XPO6: variants seen among roughly 807,000 people sequenced by gnomAD.
XPO6 encodes exportin 6, also known as exportin-6.
A neutral mutation model predicts 130.0 loss-of-function variants in XPO6; 3 were observed. That is an observed-to-expected ratio of 0.02 (90% CI 0.01 to 0.06). The LOEUF is 0.06. Ranked by LOEUF, XPO6 falls within the 10% of genes least tolerant of loss-of-function variation. The pLI is 1.00. For missense variants in XPO6, 970 were observed against 1,393.0 expected (o/e 0.70, Z 4.83); for synonymous variants, 524 against 548.9 (o/e 0.95, Z 0.63).
At chr16:28,143,823 G>T (rs977106267) in intron 9 of XPO6, among the ~76,000 whole-genome samples, 1 of 152,130 alleles carries the variant, frequency 6.6e-6, no homozygotes, top group Non-Finnish European at 1.5e-5. Flanking sequence ...TTTTAGTAGA[G>T]ACAGGGTTTC....
chr16:28,170,091 G>A (rs1387746815), intron 4 of XPO6, among the ~76,000 whole-genome samples, 182 bp from the exon 5 acceptor site: 2 of 152,096 alleles, frequency 1.3e-5, no homozygotes, highest in Non-Finnish European at 2.9e-5. Context: ...CCAGCACTTT[G>A]GGTGGCTGAG....
chr16:28,130,268 A>G (rs2042639727), intron 12 of XPO6, among the ~76,000 whole-genome samples: 1 of 152,258 alleles, frequency 6.6e-6, no homozygotes, highest in South Asian at 2.1e-4. Flanking sequence ...AGGAGTAGAC[A>G]AGAATCGCGG....
intron 7 of XPO6, chr16:28,155,841 A>T (rs1271255609): frequency 1.8e-6 from 2 of 1,108,640 alleles, no homozygotes; most frequent in Admixed American, 3.7e-5. Context: ...ATGGGGAGAA[A>T]AGACAACAAA....
At chr16:28,157,413 C>T (rs2043201336) in intron 6 of XPO6, among the ~76,000 whole-genome samples, 1 of 152,044 alleles carries the variant, frequency 6.6e-6, no homozygotes, top group African/African-American at 2.4e-5. Flanking sequence ...TAAGATCACG[C>T]CATTGCACTC....
At chr16:28,117,136 GT>G in intron 15 of XPO6, 181 bp downstream of exon 15, 1 of 724,150 alleles carries the variant, frequency 1.4e-6, no homozygotes, top group East Asian at 2.7e-5. Context: ...AAAAAGTAAA[GT>G]TGTATCTGAA....
intron 1 of XPO6, among the ~76,000 whole-genome samples, chr16:28,193,261 C>T (rs1210598206): frequency 2.0e-5 from 3 of 152,068 alleles, no homozygotes; most frequent in Non-Finnish European, 2.9e-5. Flanking sequence ...ATAATGTTGC[C>T]GGGGTGGCAG....
At position 28,101,614 on chromosome 16, in the gene XPO6, A is replaced by G. The variant is rs2086657114; in HGVS notation, c.3120T>C (p.Asp1040=). Residue 1040 remains aspartate, a synonymous_variant, in exon 23 of 24, where the codon GAT becomes GAC. Coordinates refer to ENST00000304658, the MANE Select transcript of XPO6 (RefSeq NM_015171.4). The surrounding 1 kb of genome is among the most constrained non-coding windows in gnomAD (Gnocchi z 5.4). The part of the protein sequence containing the change: ...LLQVLVHKSH[D]LLQEEIGIAI... ...CGATGCCAATCTCCTCCTGCAGAAG[A>G]TCATGGGACTTGTGGACCAGGACCT... The G allele has an allele frequency of 6.2e-7, 1 of 1,614,040 alleles. No individual in the cohort carries two copies. Among genetic ancestry groups the G allele is most frequent in the South Asian group, 1.1e-5 (1 of 91,084 alleles).
At chr16:28,126,479 C>T (rs1242111907) in intron 12 of XPO6, 3 of 152,318 alleles carry the variant, frequency 2.0e-5, no homozygotes, top group Non-Finnish European at 4.4e-5. Flanking sequence ...CTCATACAAC[C>T]CTCCTAAGCC....
Position 28,177,311 on chromosome 16 carries a change from G to C in XPO6, c.116C>G (p.Ala39Gly), listed in dbSNP as rs2043548968. 6.2e-7 allele frequency: 1 copy of C among 1,611,248 alleles called. No individual in the cohort carries two copies. Among genetic ancestry groups the C allele is most frequent in the Admixed American group, 1.7e-5 (1 of 59,622 alleles). ...REIEELLNNF[A>G]QQIGAWRFCL... ...GAATCTCCAGGCTCCTATTTGCTGG[G>C]CAAAGTTATTAAGAAGCTCCTCTGG... The change falls in exon 3 of 24, where the codon GCC becomes GGC. Residue 39 changes from alanine (A) to glycine (G), a missense_variant. Ala to Gly is a moderately conservative substitution (Grantham distance 60). Transcript: ENST00000304658.
chr16:28,171,784 G>A (rs919209256), intron 4 of XPO6, among the ~76,000 whole-genome samples: 2 of 151,896 alleles, frequency 1.3e-5, no homozygotes, highest in Non-Finnish European at 2.9e-5. Flanking sequence ...AGTGTAGGGA[G>A]GACAGGAAAT....
At position 28,106,406 on chromosome 16, in the gene XPO6, C is replaced by T. The variant is rs2086782422; in HGVS notation, c.2589G>A (p.Gln863=). The T allele has an allele frequency of 1.9e-6, 3 of 1,614,128 alleles. No homozygotes were observed. Among genetic ancestry groups the T allele is most frequent in the Non-Finnish European group, 2.5e-6 (3 of 1,179,982 alleles). ...ACCTGGTAAACATGTTGAGGAAAGT[C>T]TGTATGATTTGCTCAGTGAAAGGCA... The part of the protein sequence containing the change: ...MGVPFTEQII[Q]TFLNMFTREQ... Residue 863 remains glutamine, a synonymous_variant, in exon 19 of 24, where the codon CAG becomes CAA. Coordinates refer to ENST00000304658, the MANE Select transcript of XPO6 (RefSeq NM_015171.4). This position sits in a 1 kb window ranked among gnomAD's most constrained non-coding sequence, Gnocchi z 4.2.
rs139179683 is a variant in XPO6, at chr16:28,204,816, C to T, written c.3+6550G>A. Among the ~76,000 whole-genome samples the T allele has an allele frequency of 4.5e-3, 686 of 152,298 alleles. 6 individuals are homozygous for T. Among genetic ancestry groups the T allele is most frequent in the African/African-American group, 0.016 (666 of 41,548 alleles). ...TACTCCACTTGTCTGACACTACTGACAGATCCAGTAAGATAGGGACTGAGA... is the reference window on the plus strand; with the variant it reads ...TACTCCACTTGTCTGACACTACTGATAGATCCAGTAAGATAGGGACTGAGA... On this transcript the variant is annotated intron_variant, in intron 1 of 23. Coordinates refer to ENST00000304658, the MANE Select transcript of XPO6 (RefSeq NM_015171.4).
intron 7 of XPO6, chr16:28,154,411 C>T: frequency 1.9e-6 from 1 of 528,554 alleles, no homozygotes; most frequent in South Asian, 8.5e-5. Context: ...CCCTTGCCCA[C>T]CTTCTGGTAC....
Position 28,106,274 on chromosome 16 carries a change from A to C in XPO6, c.2613-60T>G. The stretch of plus-strand genomic sequence containing the variant: ...ATGTTTCTCTGGGGGCCAGCATGAA[A>C]ACCCATGCTGTGGCAAGTGCAGAAC... On this transcript the variant is annotated intron_variant, in intron 19 of 23. Transcript: ENST00000304658. The surrounding 1 kb of genome is among the most constrained non-coding windows in gnomAD (Gnocchi z 4.2). The C allele has an allele frequency of 6.2e-7, 1 of 1,607,462 alleles. No homozygotes were observed. Among genetic ancestry groups the C allele is most frequent in the Non-Finnish European group, 8.5e-7 (1 of 1,175,156 alleles).
At chr16:28,195,085 T>C (rs567776560) in intron 1 of XPO6, among the ~76,000 whole-genome samples, 3 of 151,924 alleles carry the variant, frequency 2.0e-5, no homozygotes, top group East Asian at 3.9e-4. Context: ...ACACCGACCA[T>C]AATGAACTGA....
rs530426988 is a variant in XPO6, at chr16:28,113,554, G to A, written c.2005-504C>T. On this transcript the variant is annotated intron_variant, in intron 15 of 23. Transcript: ENST00000304658. ...TTTCAAATTAGCAAAGGAGAAAAACGTGTTACAGATGGGACCTAATGCTGG... is the reference window on the plus strand; with the variant it reads ...TTTCAAATTAGCAAAGGAGAAAAACATGTTACAGATGGGACCTAATGCTGG... Among the ~76,000 whole-genome samples, 5 of 152,268 alleles carry A rather than the reference G, an allele frequency of 3.3e-5. No homozygotes were observed. In the East Asian group the frequency reaches 5.8e-4, roughly 18 times the overall value.
intron 8 of XPO6, among the ~76,000 whole-genome samples, chr16:28,149,511 T>A (rs1020009993): frequency 6.6e-6 from 1 of 152,072 alleles, no homozygotes; most frequent in African/African-American, 2.4e-5. Flanking sequence ...CAATTCAAGA[T>A]AACCCCTGTA....
chr16:28,122,561 G>T (rs964701700), intron 13 of XPO6, among the ~76,000 whole-genome samples: 8 of 152,016 alleles, frequency 5.3e-5, no homozygotes, highest in Admixed American at 5.2e-4. Flanking sequence ...GATGGACTAA[G>T]CCAGGATCAT....
At chr16:28,112,810 G>A (rs1658104226) in intron 16 of XPO6, 94 bp downstream of exon 16, 1 of 1,477,168 alleles carries the variant, frequency 6.8e-7, no homozygotes, top group Non-Finnish European at 9.1e-7. Flanking sequence ...TGTAAGCTCT[G>A]AGTACAAAAT....
Sources: allele counts gnomAD v4.1 joint callset (sites outside exome capture counted in the v4.1 genomes callset), GRCh38; gene constraint gnomAD v4.1.1; non-coding constraint Gnocchi (gnomAD v3.1); transcripts MANE v1.5; gene names NCBI Gene and HGNC (gene_info 2026-07-23, HGNC 2026-07-21).